USP25: variants seen among roughly 807,000 people sequenced by gnomAD.
USP25 encodes ubiquitin carboxyl-terminal hydrolase 25.
In USP25, 85 loss-of-function variants were observed where a neutral mutation model predicts 158.5. The ratio of observed to expected loss-of-function variants is 0.54; its 90% CI spans 0.45 to 0.64. USP25 has a LOEUF of 0.64. USP25 is among the 30% of genes least tolerant of loss of function. The probability of loss-of-function intolerance (pLI) is 0.00; values close to 1 mark genes in which losing one functional copy is unlikely to be tolerated. For synonymous variants in USP25, 464 were observed against 460.4 expected (o/e 1.01, Z -0.10); for missense variants, 1,242 against 1,327.3 (o/e 0.94, Z 1.00).
At chr21:15,800,344 T>C (rs1484140584) in intron 6 of USP25, among the ~76,000 whole-genome samples, 1 of 151,328 alleles carries the variant, frequency 6.6e-6, no homozygotes, top group African/African-American at 2.4e-5. Flanking sequence ...GGGTTCTAGC[T>C]AGGGACCTAG....
At position 15,810,825 on chromosome 21, in the gene USP25, T is replaced by C. The variant is rs182356256; in HGVS notation, c.858-312T>C. On this transcript the variant is annotated intron_variant, in intron 8 of 25. Coordinates refer to ENST00000400183, the MANE Select transcript of USP25 (RefSeq NM_001283041.3). ...AGTATGAGATTGAAATGTGTAATGA[T>C]GATAGGAAGAGCAGGCACTTTGTGC... is the stretch of plus-strand genomic sequence containing the variant. Among the ~76,000 whole-genome samples, 205 of 152,322 alleles carry C rather than the reference T, an allele frequency of 1.3e-3. 1 individual carries two copies. Among genetic ancestry groups the C allele is most frequent in the Admixed American group, 5.1e-3 (78 of 15,304 alleles).
chr21:15,821,797 A>G (rs2037250314), intron 10 of USP25, among the ~76,000 whole-genome samples: 1 of 151,840 alleles, frequency 6.6e-6, no homozygotes, highest in Non-Finnish European at 1.5e-5. Flanking sequence ...TTCTCTCCAC[A>G]TTTGTGTAAT....
In USP25 at chr21:15,771,479, G is replaced by T. The variant is rs149128279; in HGVS notation, c.268+5338G>T. On this transcript the variant is annotated intron_variant, in intron 3 of 25. Transcript: ENST00000400183. ...ACTTTTGGCTCTCTGAAGGTTGTGC[G>T]TCCCAGACCAGGGCCTGATGGGGCA... Among the ~76,000 whole-genome samples, 264 of 152,214 alleles carry T rather than the reference G, an allele frequency of 1.7e-3. 2 individuals are homozygous for T. The highest frequency in any genetic ancestry group is 5.9e-3 in the African/African-American group (246 of 41,522).
intron 1 of USP25, among the ~76,000 whole-genome samples, chr21:15,730,884 G>A (rs1053200938): frequency 1.3e-5 from 2 of 151,978 alleles, no homozygotes; most frequent in African/African-American, 4.8e-5. Flanking sequence ...CTGCCTCGCG[G>A]GGCAGGCGTG....
intron 20 of USP25, among the ~76,000 whole-genome samples, chr21:15,860,104 T>A (rs1009844885): frequency 2.0e-5 from 3 of 151,352 alleles, no homozygotes; most frequent in African/African-American, 7.3e-5. Context: ...TTCTCCTGCC[T>A]CAGCTCCCAA....
intron 1 of USP25, among the ~76,000 whole-genome samples, chr21:15,751,590 CA>C (rs1404606964): frequency 6.6e-5 from 10 of 152,246 alleles, no homozygotes; most frequent in African/African-American, 2.4e-4. Flanking sequence ...AAGTTAAATA[CA>C]TATTTTATTT....
At chr21:15,742,121 T>C (rs2032113987) in intron 1 of USP25, among the ~76,000 whole-genome samples, 2 of 151,980 alleles carry the variant, frequency 1.3e-5, no homozygotes, top group African/African-American at 4.8e-5. Flanking sequence ...TTTTTTTTTT[T>C]TAACAGTTTT....
intron 20 of USP25, among the ~76,000 whole-genome samples, chr21:15,851,116 T>TAA (rs766082727): frequency 2.0e-5 from 3 of 148,884 alleles, no homozygotes; most frequent in Admixed American, 6.7e-5. Context: ...TTTCTTTTCT[T>TAA]AAAAAAAAAA....
intron 5 of USP25, among the ~76,000 whole-genome samples, chr21:15,797,366 A>G (rs1437306514): frequency 1.3e-5 from 2 of 151,422 alleles, no homozygotes; most frequent in East Asian, 1.9e-4. Flanking sequence ...GAGAAATCCT[A>G]AAAGTTGCAA....
chr21:15,790,442 G>T (rs2035530335), intron 4 of USP25, among the ~76,000 whole-genome samples: 1 of 151,734 alleles, frequency 6.6e-6, no homozygotes, highest in African/African-American at 2.4e-5. Flanking sequence ...GGTAAATATT[G>T]CTGTTAAGGA....
chr21:15,860,983 G>T, intron 20 of USP25, among the ~76,000 whole-genome samples: 1 of 150,634 alleles, frequency 6.6e-6, no homozygotes, highest in Non-Finnish European at 1.5e-5. Context: ...TATAGAGAGA[G>T]AGAGAGAGAG....
rs2033818735 is a variant in USP25, at chr21:15,762,929, GGGGATTAAT to G, written c.86_94del (p.Gly29_Asn31del). On this transcript the variant is annotated inframe_deletion, in exon 2 of 26. Transcript: ENST00000400183. ...TTTTGAATCAACTGAGAGAAATTAC[GGGGATTAAT>G]GACACCCAGATACTACAGCAAGCCT... 1 of 1,612,402 alleles carries G rather than the reference GGGGATTAAT, an allele frequency of 6.2e-7. No individual in the cohort carries two copies. Among genetic ancestry groups the G allele is most frequent in the Non-Finnish European group, 8.5e-7 (1 of 1,179,106 alleles).
intron 4 of USP25, among the ~76,000 whole-genome samples, chr21:15,788,886 A>G (rs1397856599): frequency 6.6e-6 from 1 of 152,128 alleles, no homozygotes; most frequent in Non-Finnish European, 1.5e-5. Flanking sequence ...AGGAGCAATC[A>G]TCAATTACAT....
chr21:15,742,391 T>C (rs1330375501), intron 1 of USP25, among the ~76,000 whole-genome samples: 5 of 152,228 alleles, frequency 3.3e-5, no homozygotes, highest in Non-Finnish European at 7.3e-5. Flanking sequence ...GTAACACCAA[T>C]GTTGAAACCA....
chr21:15,778,425 A>T (rs992777923), intron 4 of USP25, among the ~76,000 whole-genome samples: 1 of 152,102 alleles, frequency 6.6e-6, no homozygotes, highest in African/African-American at 2.4e-5. Context: ...ATAGCTATTC[A>T]GCTCTGGTGT....
chr21:15,736,112 T>C (rs2031489607), intron 1 of USP25, among the ~76,000 whole-genome samples: 1 of 151,868 alleles, frequency 6.6e-6, no homozygotes, highest in Non-Finnish European at 1.5e-5. Flanking sequence ...CTGCTTTTTT[T>C]TTTGAGACGG....
In USP25 at chr21:15,762,936, A is replaced by C; in HGVS notation, c.91A>C (p.Asn31His). The C allele has an allele frequency of 1.9e-6, 3 of 1,612,820 alleles. No individual in the cohort carries two copies. Among genetic ancestry groups the C allele is most frequent in the Non-Finnish European group, 2.5e-6 (3 of 1,179,242 alleles). The part of the protein sequence containing the change: ...LNQLREITGI[N>H]DTQILQQALK... ...TCAACTGAGAGAAATTACGGGGATT[A>C]ATGACACCCAGATACTACAGCAAGC... Residue 31 changes from asparagine to histidine, a missense_variant, in exon 2 of 26, where the codon AAT (asparagine) becomes CAT (histidine). Coordinates refer to ENST00000400183, the MANE Select transcript of USP25 (RefSeq NM_001283041.3).
chr21:15,840,085 A>G lies in USP25; in HGVS notation c.2195-2313A>G, dbSNP rs1225292354. 6.6e-5 allele frequency among the ~76,000 whole-genome samples: 10 copies of G among 151,898 alleles called. No individual in the cohort carries two copies. The South Asian group carries it at 8.3e-4, about 13-fold the overall frequency. On this transcript the variant is annotated intron_variant, in intron 17 of 25. Coordinates refer to ENST00000400183, the MANE Select transcript of USP25 (RefSeq NM_001283041.3). ...TGCCTTCCAGTGTAGAGTCTCATAT[A>G]TAGCAGGGATTTTATGAATCTTTGA...
chr21:15,755,319 G>T (rs1438377656), intron 1 of USP25, among the ~76,000 whole-genome samples: 1 of 152,206 alleles, frequency 6.6e-6, no homozygotes, highest in South Asian at 2.1e-4. Context: ...AGGAGCCAAG[G>T]ACTGACTTAA....
Sources: gnomAD v4.1 joint callset for allele counts (sites outside exome capture counted in the v4.1 genomes callset) on GRCh38, gnomAD v4.1.1 for gene constraint, MANE v1.5 for transcripts, NCBI Gene and HGNC (gene_info 2026-07-23, HGNC 2026-07-21) for gene names.